PASD1: variants seen among roughly 807,000 people sequenced by gnomAD.
The protein encoded by PASD1 is PAS domain containing repressor 1, also known as circadian clock protein PASD1.
Under a neutral mutation model 58.8 loss-of-function variants are expected in PASD1, and 13 were observed. The ratio of observed to expected loss-of-function variants is 0.22; its 90% CI spans 0.14 to 0.35. The LOEUF is 0.35. Ranked by LOEUF, PASD1 falls within the 10% of genes least tolerant of loss-of-function variation. PASD1 has a pLI of 1.00. For synonymous variants in PASD1, 236 were observed against 216.7 expected (o/e 1.09, Z -0.78); for missense variants, 734 against 568.3 (o/e 1.29, Z -2.96).
At chrX:151,667,335 T>C (rs1161684259) in intron 11 of PASD1, among the ~76,000 whole-genome samples, 5 of 111,826 alleles carry the variant, frequency 4.5e-5, no homozygotes, top group Non-Finnish European at 5.6e-5. Flanking sequence ...GTAGGTTGCC[T>C]GTTCACTCTG....
intron 1 of PASD1, among the ~76,000 whole-genome samples, chrX:151,564,798 G>A (rs1437231014): frequency 1.1e-4 from 12 of 110,605 alleles, no homozygotes; most frequent in Non-Finnish European, 2.3e-4. Context: ...TTGAGCCTGG[G>A]AGTTCGAGGT....
At chrX:151,641,855 T>A (rs1292639806) in intron 8 of PASD1, among the ~76,000 whole-genome samples, 2 of 111,324 alleles carry the variant, frequency 1.8e-5, no homozygotes, top group African/African-American at 6.5e-5. Flanking sequence ...CGCGCGCGTA[T>A]ACCAGACATT....
At chrX:151,585,111 A>G (rs1231705056) in intron 1 of PASD1, among the ~76,000 whole-genome samples, 1 of 111,871 alleles carries the variant, frequency 8.9e-6, no homozygotes, top group Non-Finnish European at 1.9e-5. Context: ...AATAAGAAAA[A>G]TGCACATAAA....
intron 8 of PASD1, among the ~76,000 whole-genome samples, chrX:151,628,565 C>T (rs1351737494): frequency 1.1e-4 from 12 of 111,717 alleles, no homozygotes; most frequent in African/African-American, 3.9e-4. Flanking sequence ...TGTTTTGGTA[C>T]CAGTACCATG....
At chrX:151,666,091 C>T (rs940360466) in intron 11 of PASD1, among the ~76,000 whole-genome samples, 15 of 109,918 alleles carry the variant, frequency 1.4e-4, no homozygotes, top group Non-Finnish European at 1.9e-5. Flanking sequence ...TATGTACTTA[C>T]ATTACTCATA....
At chrX:151,620,119 A>G (rs2013686005) in intron 4 of PASD1, among the ~76,000 whole-genome samples, 1 of 112,074 alleles carries the variant, frequency 8.9e-6, no homozygotes, top group Admixed American at 9.5e-5. Context: ...GTACATATGT[A>G]TGGCGTACAT....
chrX:151,627,305 T>C (rs1170701358), intron 8 of PASD1, among the ~76,000 whole-genome samples: 2 of 110,677 alleles, frequency 1.8e-5, no homozygotes, highest in African/African-American at 3.3e-5. Flanking sequence ...GCTGCACCCA[T>C]TAACTCTTCA....
intron 11 of PASD1, 53 bp from the exon 12 acceptor site, chrX:151,670,985 C>G: frequency 8.7e-7 from 1 of 1,144,207 alleles, no homozygotes; most frequent in African/African-American, 1.8e-5. Context: ...GATGGTAAGA[C>G]TTGGAGAAAC....
At chrX:151,613,126 G>T (rs968445168) in intron 4 of PASD1, among the ~76,000 whole-genome samples, 1 of 111,698 alleles carries the variant, frequency 9.0e-6, no homozygotes, top group Non-Finnish European at 1.9e-5. Flanking sequence ...TCGGACAGTT[G>T]TAGATACGTG....
chrX:151,565,667 C>T (rs1489955566), intron 1 of PASD1, among the ~76,000 whole-genome samples: 1 of 107,752 alleles, frequency 9.3e-6, no homozygotes, highest in Non-Finnish European at 1.9e-5. Context: ...ACGCCATTCT[C>T]CTGCCTCAGC....
rs780149925 is a variant in PASD1 at position 151,622,942 on chromosome X, C to T, written c.424C>T (p.Pro142Ser). 9 of 1,207,782 alleles carry T rather than the reference C, an allele frequency of 7.5e-6. No individual in the cohort carries two copies. In the South Asian group the frequency reaches 1.2e-4, roughly 17 times the overall value. The change falls in exon 7 of 16, where the codon CCT (proline) becomes TCT (serine). Residue 142 changes from proline (P) to serine (S), a missense_variant. Transcript: ENST00000370357. ...VNVRDICNEF[P>S]VVFSGLFSSH... ...TGTGTGTCTATCTTCCTTAGAGTTT[C>T]CTGTGGTCTTTAGTGGCTTGTTTTC...
At chrX:151,654,645 A>G (rs1023966827) in intron 9 of PASD1, among the ~76,000 whole-genome samples, 5 of 112,122 alleles carry the variant, frequency 4.5e-5, no homozygotes, top group Non-Finnish European at 9.4e-5. Flanking sequence ...TAGGTTGACA[A>G]TTGAGAAGTG....
intron 8 of PASD1, among the ~76,000 whole-genome samples, chrX:151,629,846 G>T (rs2013844688): frequency 8.9e-6 from 1 of 111,777 alleles, no homozygotes; most frequent in Admixed American, 9.5e-5. Context: ...TATCAGTGTA[G>T]CAAATATTCA....
chrX:151,629,718 T>C (rs1157565803), intron 8 of PASD1, among the ~76,000 whole-genome samples: 1 of 112,127 alleles, frequency 8.9e-6, no homozygotes, highest in African/African-American at 3.2e-5. Context: ...TGAGACACAA[T>C]AGCAGCACAC....
Position 151,674,727 on chromosome X carries a change from G to C in PASD1, c.2175+541G>C, listed in dbSNP as rs539660230. ...GGTCCAGATGGCAGTTACGTAGCAG[G>C]TTTTGCTCCCCGCAGGCCCCCCACA... is the stretch of plus-strand genomic sequence containing the variant. On this transcript the variant is annotated intron_variant, in intron 15 of 15. Coordinates refer to ENST00000370357, the MANE Select transcript of PASD1 (RefSeq NM_173493.3). Among the ~76,000 whole-genome samples the C allele has an allele frequency of 7.1e-5, 8 of 112,377 alleles. No individual in the cohort carries two copies. In the South Asian group the frequency reaches 2.2e-3, roughly 31 times the overall value.
At chrX:151,636,442 C>T (rs1245044470) in intron 8 of PASD1, among the ~76,000 whole-genome samples, 3 of 111,291 alleles carry the variant, frequency 2.7e-5, no homozygotes, top group Admixed American at 9.6e-5. Flanking sequence ...CTCGCTCTGT[C>T]GCCCAGGCTG....
intron 9 of PASD1, among the ~76,000 whole-genome samples, chrX:151,651,335 T>C (rs2014126245): frequency 8.9e-6 from 1 of 112,247 alleles, no homozygotes; most frequent in Admixed American, 9.4e-5. Flanking sequence ...GGTTGCTCCT[T>C]AGCCATGTTA....
At chrX:151,582,510 A>T (rs139377916) in intron 1 of PASD1, among the ~76,000 whole-genome samples, 10 of 111,013 alleles carry the variant, frequency 9.0e-5, no homozygotes, top group African/African-American at 3.3e-4. Flanking sequence ...GTCCACTCAG[A>T]TATGACAGCA....
chrX:151,653,726 TTCTC>T lies in PASD1; in HGVS notation c.717+5034_717+5037del, dbSNP rs1211373291. 2.5e-3 allele frequency among the ~76,000 whole-genome samples: 236 copies of T among 96,217 alleles called. 2 individuals are homozygous for T. Among genetic ancestry groups the T allele is most frequent in the Non-Finnish European group, 4.2e-3 (198 of 47,332 alleles). The allele number at this position is 96,217 out of a possible 115,157, so 83.6% of individuals were successfully genotyped here. The stretch of plus-strand genomic sequence containing the variant: ...CCTTCTTCTTCTTCCCCTTCCTTCC[TTCTC>T]TCTCTCTCTTTCTTTCCTTCCTTCT... On this transcript the variant is annotated intron_variant, in intron 9 of 15. Transcript: ENST00000370357.
Sources: allele counts gnomAD v4.1 joint callset (sites outside exome capture counted in the v4.1 genomes callset), GRCh38; gene constraint gnomAD v4.1.1; transcripts MANE v1.5; gene names NCBI Gene and HGNC (gene_info 2026-07-23, HGNC 2026-07-21).